The following CDH23 variants were observed in gnomAD, a reference collection of about 807,000 sequenced individuals.
CDH23 encodes the protein cadherin-23.
CDH23 carries 189 observed loss-of-function variants against 317.1 expected under a neutral mutation model. That is an observed-to-expected ratio of 0.60 (90% CI 0.53 to 0.67). CDH23 has a LOEUF of 0.67. CDH23 is among the 30% of genes least tolerant of loss of function. The probability of loss-of-function intolerance (pLI) is 0.00; values close to 1 mark genes in which losing one functional copy is unlikely to be tolerated. For missense variants in CDH23, 4,401 were observed against 4,592.4 expected (o/e 0.96, Z 1.20); for synonymous variants, 1,839 against 1,876.8 (o/e 0.98, Z 0.52).
intron 6 of CDH23, among the ~76,000 whole-genome samples, chr10:71,547,619 G>A (rs376317126): frequency 1.3e-5 from 2 of 152,204 alleles, no homozygotes; most frequent in South Asian, 4.1e-4. Flanking sequence ...GAGAGGCTGT[G>A]GAGCCCAGTG....
At chr10:71,808,092 G>A (rs373675891) in intron 60 of CDH23, 85 bp downstream of exon 60, 2 of 1,505,390 alleles carry the variant, frequency 1.3e-6, no homozygotes, top group Non-Finnish European at 9.0e-7. Context: ...GATGGGGTCT[G>A]TGGGAGCACC....
At chr10:71,574,017 C>T (rs932169218) in intron 8 of CDH23, among the ~76,000 whole-genome samples, 1 of 152,170 alleles carries the variant, frequency 6.6e-6, no homozygotes, top group African/African-American at 2.4e-5. Flanking sequence ...TGTCCCTTTA[C>T]AGTGTAGAAC....
At chr10:71,762,075 C>A in intron 38 of CDH23, 1 of 1,529,090 alleles carries the variant, frequency 6.5e-7, no homozygotes, top group South Asian at 1.3e-5. Flanking sequence ...CAGTGCTACT[C>A]CTGGCAACCC....
chr10:71,577,503 GTTATTC>G (rs928513759), intron 8 of CDH23, among the ~76,000 whole-genome samples: 6 of 152,170 alleles, frequency 3.9e-5, no homozygotes, highest in Non-Finnish European at 7.4e-5. Flanking sequence ...GCTTTTTGCT[GTTATTC>G]TTATTAAGGT....
intron 38 of CDH23, chr10:71,760,790 T>C (rs1661482462): frequency 7.1e-7 from 1 of 1,417,182 alleles, no homozygotes; most frequent in Non-Finnish European, 1.0e-6. Context: ...GAGGCCAGAG[T>C]TCCAAACAGG....
intron 6 of CDH23, among the ~76,000 whole-genome samples, chr10:71,515,704 G>A (rs1329503551): frequency 1.3e-5 from 2 of 152,202 alleles, no homozygotes; most frequent in African/African-American, 2.4e-5. Flanking sequence ...TGTAAGATGA[G>A]CAACAATATC....
chr10:71,774,047 GCGCGCA>G (rs1389921059), intron 38 of CDH23, among the ~76,000 whole-genome samples: 47 of 116,780 alleles, frequency 4.0e-4, no homozygotes, highest in African/African-American at 1.3e-3. Context: ...GTGCATGCGC[GCGCGCA>G]CACACACACA....
At chr10:71,502,888 A>G (rs1853416305) in intron 3 of CDH23, among the ~76,000 whole-genome samples, 1 of 152,208 alleles carries the variant, frequency 6.6e-6, no homozygotes, top group Non-Finnish European at 1.5e-5. Flanking sequence ...ATCTAGAGAA[A>G]ATAAAAAGCC....
chr10:71,652,317 C>A (rs1863213094), intron 14 of CDH23, among the ~76,000 whole-genome samples: 1 of 152,256 alleles, frequency 6.6e-6, no homozygotes, highest in Non-Finnish European at 1.5e-5. Context: ...GGAGTCCCTG[C>A]AATCCTGTCT....
Position 71,517,559 on chromosome 10 carries a change from G to GC in CDH23, c.429+6347_429+6348insC, listed in dbSNP as rs1489978468. On this transcript the variant is annotated intron_variant, in intron 6 of 69. Transcript: ENST00000224721. ...CATCCTCAGGTTGCAGCGAGAAGCT[G>GC]GGGGGGAGATGCGAGGGGGCTCCCA... 2.8e-4 allele frequency among the ~76,000 whole-genome samples: 4 copies of GC among 14,352 alleles called. No homozygotes were observed. The South Asian group carries it at 4.8e-3, about 17-fold the overall frequency. The allele number at this position is 14,352 out of a possible 152,430, so 9.4% of individuals were successfully genotyped here.
chr10:71,578,958 G>A (rs1040500217), intron 9 of CDH23, among the ~76,000 whole-genome samples: 6 of 152,200 alleles, frequency 3.9e-5, no homozygotes, highest in African/African-American at 1.4e-4. Flanking sequence ...TCAAGAACAT[G>A]GAGGAGGATG....
At chr10:71,669,319 T>A (rs1269762567) in intron 14 of CDH23, among the ~76,000 whole-genome samples, 1 of 152,216 alleles carries the variant, frequency 6.6e-6, no homozygotes, top group African/African-American at 2.4e-5. Context: ...CCAGGATGAA[T>A]CTTTCTAAGC....
chr10:71,692,758 T>C (rs941034086), intron 20 of CDH23, among the ~76,000 whole-genome samples: 1 of 152,052 alleles, frequency 6.6e-6, no homozygotes, highest in Admixed American at 6.5e-5. Flanking sequence ...TGTTTTATGG[T>C]GGAAAGAACC....
At position 71,800,631 on chromosome 10, in the gene CDH23, A is replaced by G. The variant is rs144775212; in HGVS notation, c.7363-5A>G. 2 of 1,613,700 alleles carry G rather than the reference A, an allele frequency of 1.2e-6. No homozygotes were observed. Among genetic ancestry groups the G allele is most frequent in the Non-Finnish European group, 1.7e-6 (2 of 1,179,760 alleles). On this transcript the variant is annotated splice_region_variant and splice_polypyrimidine_tract_variant and intron_variant, in intron 52 of 69. Coordinates refer to ENST00000224721, the MANE Select transcript of CDH23 (RefSeq NM_022124.6). ...AAGGACCTAAAGCCACCCTCCCCCT[A>G]CTAGGGTGACATCTATGTGCTGTCT...
At chr10:71,736,862 G>GCTTTCTCA (rs1839581639) in intron 34 of CDH23, among the ~76,000 whole-genome samples, 1 of 152,188 alleles carries the variant, frequency 6.6e-6, no homozygotes, top group African/African-American at 2.4e-5. Flanking sequence ...CTGAGAGAAA[G>GCTTTCTCA]CCTATAATAA....
At chr10:71,399,675 GGATT>G (rs1471045233) in intron 1 of CDH23, among the ~76,000 whole-genome samples, 1 of 152,172 alleles carries the variant, frequency 6.6e-6, no homozygotes, top group Non-Finnish European at 1.5e-5. Flanking sequence ...TGAGGCAACA[GGATT>G]GCTAGAGCCC....
At chr10:71,648,935 G>T (rs1863032284) in intron 14 of CDH23, among the ~76,000 whole-genome samples, 1 of 152,188 alleles carries the variant, frequency 6.6e-6, no homozygotes, top group Admixed American at 6.5e-5. Context: ...GTGCCTAAAG[G>T]AGTTCAGGCC....
In CDH23 at chr10:71,815,065, G is replaced by A. The variant is rs1236435080; in HGVS notation, c.9852G>A (p.Val3284=). The change falls in exon 70 of 70, where the codon GTG becomes GTA. Residue 3284 remains valine, a synonymous_variant. Coordinates refer to ENST00000224721, the MANE Select transcript of CDH23 (RefSeq NM_022124.6). ...VELKGPDGIH[V]VHGSTGTLLA... ...TCAAGGGGCCCGATGGGATCCATGTGGTGCACGGCAGCACGGGCACGCTGC... is the reference window on the plus strand; with the variant it reads ...TCAAGGGGCCCGATGGGATCCATGTAGTGCACGGCAGCACGGGCACGCTGC... 1 of 1,612,030 alleles carries A rather than the reference G, an allele frequency of 6.2e-7. No individual in the cohort carries two copies. Among genetic ancestry groups the A allele is most frequent in the Non-Finnish European group, 8.5e-7 (1 of 1,179,474 alleles).
At chr10:71,704,493 C>T (rs927354495) in intron 24 of CDH23, among the ~76,000 whole-genome samples, 3 of 152,124 alleles carry the variant, frequency 2.0e-5, no homozygotes, top group East Asian at 3.8e-4. Context: ...CAAAGCAAAG[C>T]GGGGCAGGGG....
Sources: allele counts gnomAD v4.1 joint callset (sites outside exome capture counted in the v4.1 genomes callset), GRCh38; gene constraint gnomAD v4.1.1; transcripts MANE v1.5; gene names NCBI Gene and HGNC (gene_info 2026-07-23, HGNC 2026-07-21).